The following AGAP5 variants were observed in gnomAD, a reference collection of about 807,000 sequenced individuals.
AGAP5 encodes ArfGAP with GTPase domain, ankyrin repeat and PH domain 5, also known as arf-GAP with GTPase, ANK repeat and PH domain-containing protein 5.
Under a neutral mutation model 27.7 loss-of-function variants are expected in AGAP5, and 8 were observed. That is an observed-to-expected ratio of 0.29 (90% confidence interval 0.17 to 0.52). The LOEUF (loss-of-function observed/expected upper bound fraction) is 0.52, where lower values mean the gene tolerates loss of function less well. AGAP5 is among the 20% of genes least tolerant of loss of function. The pLI is 0.97. For missense variants in AGAP5, 285 were observed against 880.8 expected, an observed-to-expected ratio of 0.32 and a Z score of 8.56; for synonymous variants, 111 against 338.0, an observed-to-expected ratio of 0.33 and a Z score of 7.37.
chr10:73,694,280 G>C (rs1255132803), intron 3 of AGAP5, among the ~76,000 whole-genome samples: 1 of 152,224 alleles, frequency 6.6e-6, no homozygotes, highest in African/African-American at 2.4e-5. Flanking sequence ...GTCTGCGTAA[G>C]AGGAGGCCCA....
intron 3 of AGAP5, among the ~76,000 whole-genome samples, chr10:73,694,047 CA>C: frequency 6.6e-6 from 1 of 152,274 alleles, no homozygotes; most frequent in South Asian, 2.1e-4. Context: ...CATTACTTCG[CA>C]TATTATTATA....
chr10:73,694,975 G>A (rs562973261), intron 2 of AGAP5, among the ~76,000 whole-genome samples, 171 bp from the exon 3 acceptor site: 4 of 152,068 alleles, frequency 2.6e-5, no homozygotes, highest in Non-Finnish European at 5.9e-5. Flanking sequence ...GCACATGCTT[G>A]TAGTCCCAGC....
intron 4 of AGAP5, among the ~76,000 whole-genome samples, chr10:73,683,548 G>A (rs1279375229): frequency 1.8e-5 from 2 of 111,562 alleles, no homozygotes; most frequent in Admixed American, 9.0e-5. Context: ...TGCAAGCTCC[G>A]CCTCCCGGGT....
chr10:73,697,700 T>TA lies in AGAP5; in HGVS notation c.55_56insT (p.Gln19LeufsTer10). 1 of 1,598,582 alleles carries TA rather than the reference T, an allele frequency of 6.3e-7. No individual in the cohort carries two copies. Among genetic ancestry groups the TA allele is most frequent in the South Asian group, 1.1e-5 (1 of 91,006 alleles). ...AGAGGGACACACCGACCCCTGTTGCTGGTCAAACTCGAGGCTGACGCTAGG... is the reference window on the plus strand; with the variant it reads ...AGAGGGACACACCGACCCCTGTTGCTAGGTCAAACTCGAGGCTGACGCTAGG... On this transcript the variant is annotated frameshift_variant, in exon 1 of 8. Transcript: ENST00000374094. LOFTEE classifies it high-confidence loss of function.
At position 73,689,813 on chromosome 10, in the gene AGAP5, G is replaced by A. The variant is rs577943278; in HGVS notation, c.396+2230C>T. On this transcript the variant is annotated intron_variant, in intron 4 of 7. Transcript: ENST00000374094. ...CCGGCAGCCACCCTGTCTGGGAAGTGAGGAGCGTCTCCGCCTGGCAGCCAC... is the reference window on the plus strand; with the variant it reads ...CCGGCAGCCACCCTGTCTGGGAAGTAAGGAGCGTCTCCGCCTGGCAGCCAC... 4.4e-4 allele frequency among the ~76,000 whole-genome samples: 67 copies of A among 152,050 alleles called. No homozygotes were observed. The East Asian group carries it at 0.013, about 29-fold the overall frequency.
intron 2 of AGAP5, among the ~76,000 whole-genome samples, chr10:73,695,679 T>A (rs1443796337): frequency 2.0e-5 from 3 of 152,206 alleles, no homozygotes; most frequent in Admixed American, 2.0e-4. Flanking sequence ...ACACTCATAA[T>A]GAGTCTTAAT....
chr10:73,677,376 CTTTTTTTTTTTTTTT>C (rs3998276), intron 6 of AGAP5, among the ~76,000 whole-genome samples: 1 of 32,466 alleles, frequency 3.1e-5, no homozygotes, highest in Admixed American at 3.6e-4. Flanking sequence ...CATAACTGTT[CTTTTTTTTTTTTTTT>C]TTTTTTTTTT....
chr10:73,694,738 T>G lies in AGAP5; in HGVS notation c.359A>C (p.Asp120Ala), dbSNP rs1383288621. 6.9e-6 allele frequency: 11 copies of G among 1,597,632 alleles called. No homozygotes were observed. Among genetic ancestry groups the G allele is most frequent in the African/African-American group, 4.0e-5 (3 of 74,894 alleles). Residue 120 changes from aspartate (D) to alanine (A), a missense_variant and splice_region_variant, in exon 3 of 8, where the codon GAT (aspartate) becomes GCT (alanine). By Grantham distance (126) the Asp-to-Ala change is moderately radical (BLOSUM62 -2). Transcript: ENST00000374094. ...STIFQRNSQT[D>A]VVEIRRSNCT... ...CGGAAAAAACAATGTTGTCTCACCA[T>G]CTGTTTGAGAGTTCCTCTGGAATAT...
At chr10:73,695,075 TAAA>T (rs768958731) in intron 2 of AGAP5, among the ~76,000 whole-genome samples, 1 of 138,996 alleles carries the variant, frequency 7.2e-6, no homozygotes. Context: ...CTCCTTTATT[TAAA>T]AAAAAAAAAA....
intron 3 of AGAP5, 126 bp downstream of exon 3, chr10:73,694,610 A>C: frequency 6.5e-7 from 1 of 1,548,772 alleles, no homozygotes; most frequent in Non-Finnish European, 8.7e-7. Flanking sequence ...TATTAAAATA[A>C]GACAAGTGAA....
chr10:73,680,945 AAGGACCAATGAC>A (rs1279296715), intron 5 of AGAP5: 1 of 134,872 alleles, frequency 7.4e-6, no homozygotes, highest in Admixed American at 8.0e-5. Context: ...ACATGCTGGA[AAGGACCAATGAC>A]CTTATGTGAC....
chr10:73,680,657 G>A (rs1179413209), intron 5 of AGAP5, among the ~76,000 whole-genome samples: 2 of 145,002 alleles, frequency 1.4e-5, no homozygotes, highest in Admixed American at 7.0e-5. Context: ...GTGTGATCTC[G>A]GCTCACCACA....
At chr10:73,690,781 T>C (rs2082111111) in intron 4 of AGAP5, among the ~76,000 whole-genome samples, 2 of 152,104 alleles carry the variant, frequency 1.3e-5, no homozygotes, top group African/African-American at 4.8e-5. Flanking sequence ...ACACAGAATC[T>C]AGGACACAGG....
rs1307359296 is a variant in AGAP5 at position 73,674,767 on chromosome 10, G to T, written c.1893C>A (p.Ala631=). The T allele has an allele frequency of 6.2e-7, 1 of 1,611,898 alleles. No individual in the cohort carries two copies. The highest frequency in any genetic ancestry group is 1.3e-5 in the African/African-American group (1 of 74,840). Residue 631 remains alanine (A), a synonymous_variant, in exon 8 of 8, where the codon GCC becomes GCA. Transcript: ENST00000374094. The part of the protein sequence containing the change: ...EGDGCTALHL[A]CRKGNVVLAQ... Reference sequence around the variant, plus strand: ...CCAGGACCACATTCCCCTTGCGGCAGGCCAGATGGAGCGCCGTGCAGCCGT... The same window carrying T: ...CCAGGACCACATTCCCCTTGCGGCATGCCAGATGGAGCGCCGTGCAGCCGT...
Position 73,697,531 on chromosome 10 carries a change from A to G in AGAP5, c.223+2T>C. ...GGTAGATGGCACCTATCACCTCCTT[A>G]CCTTCAGGCATCTCCTGGTCACGAA... On this transcript the variant is annotated splice_donor_variant, in intron 1 of 7. Transcript: ENST00000374094. LOFTEE classifies it high-confidence loss of function. 2 of 1,612,608 alleles carry G rather than the reference A, an allele frequency of 1.2e-6. No homozygotes were observed. The highest frequency in any genetic ancestry group is 1.7e-6 in the Non-Finnish European group (2 of 1,179,946).
chr10:73,675,403 T>A lies in AGAP5; in HGVS notation c.1257A>T (p.Gln419His). The A allele has an allele frequency of 6.2e-7, 1 of 1,614,112 alleles. No homozygotes were observed. The highest frequency in any genetic ancestry group is 8.5e-7 in the Non-Finnish European group (1 of 1,180,038). Residue 419 changes from glutamine to histidine, a missense_variant, in exon 8 of 8, where the codon CAA (glutamine) becomes CAT (histidine). By Grantham distance (24) the Gln-to-His change is conservative. Transcript: ENST00000374094. ...NNFMIVSATG[Q>H]TWHFEATTYE... ...ACGTCGTGGCTTCAAAGTGCCATGT[T>A]TGGCCAGTGGCAGACACAATCATAA...
At chr10:73,692,122 T>C in intron 3 of AGAP5, 45 bp from the exon 4 acceptor site, 11 of 1,454,104 alleles carry the variant, frequency 7.6e-6, no homozygotes, top group Non-Finnish European at 1.0e-5. Flanking sequence ...ACAAATACCA[T>C]AAAATAAAAG....
At chr10:73,688,913 A>G (rs1196827179) in intron 4 of AGAP5, among the ~76,000 whole-genome samples, 1 of 152,186 alleles carries the variant, frequency 6.6e-6, no homozygotes, top group Non-Finnish European at 1.5e-5. Context: ...ACACTGTAAT[A>G]AGAGCACAAC....
intron 7 of AGAP5, among the ~76,000 whole-genome samples, chr10:73,676,418 A>G (rs2081980423): frequency 7.0e-6 from 1 of 143,012 alleles, no homozygotes; most frequent in South Asian, 2.2e-4. Context: ...CCTGGGAGGC[A>G]GAGCCTGCAG....
Sources: gnomAD v4.1 joint callset for allele counts (sites outside exome capture counted in the v4.1 genomes callset) on GRCh38, gnomAD v4.1.1 for gene constraint, MANE v1.5 for transcripts, NCBI Gene and HGNC (gene_info 2026-07-23, HGNC 2026-07-21) for gene names.